The following NAA25 variants were observed in gnomAD, a reference collection of about 807,000 sequenced individuals.
NAA25 encodes the protein N-alpha-acetyltransferase 25, NatB auxiliary subunit.
In NAA25, 30 loss-of-function variants were observed where a neutral mutation model predicts 132.5. That is an observed-to-expected ratio of 0.23 (90% CI 0.17 to 0.31). The LOEUF (loss-of-function observed/expected upper bound fraction) is 0.31. Among genes scored for constraint, NAA25 ranks in the 10% least tolerant of loss-of-function variants. The pLI is 1.00. For synonymous variants in NAA25, 359 were observed against 401.9 expected (o/e 0.89, Z 1.28); for missense variants, 771 against 1,150.4 (o/e 0.67, Z 4.77).
intron 1 of NAA25, among the ~76,000 whole-genome samples, chr12:112,107,504 T>C (rs974221254): frequency 4.0e-5 from 6 of 151,736 alleles, no homozygotes; most frequent in African/African-American, 1.5e-4. Flanking sequence ...CCAGTGACTG[T>C]CATAATGAGT....
chr12:112,040,720 T>A (rs1358088226), intron 20 of NAA25, 142 bp from the exon 21 acceptor site: 6 of 581,210 alleles, frequency 1.0e-5, no homozygotes, highest in Non-Finnish European at 1.5e-5. Flanking sequence ...TGAACCAAAC[T>A]CCAAAGGATA....
chr12:112,063,507 C>T (rs980206287), intron 11 of NAA25, among the ~76,000 whole-genome samples: 1 of 152,134 alleles, frequency 6.6e-6, no homozygotes, highest in Non-Finnish European at 1.5e-5. Context: ...AGGCTCCCAC[C>T]CTATACTCCC....
intron 17 of NAA25, among the ~76,000 whole-genome samples, chr12:112,046,937 G>A (rs1249725202): frequency 6.6e-6 from 1 of 151,940 alleles, no homozygotes; most frequent in Non-Finnish European, 1.5e-5. Context: ...TCCAGATTTG[G>A]TATAATACTA....
intron 13 of NAA25, among the ~76,000 whole-genome samples, chr12:112,058,857 G>A (rs1356264995): frequency 6.6e-6 from 1 of 151,922 alleles, no homozygotes; most frequent in African/African-American, 2.4e-5. Flanking sequence ...AGGTAATCGA[G>A]ACCATCCTGG....
chr12:112,090,885 A>C, intron 2 of NAA25, 21 bp from the exon 3 acceptor site: 3 of 1,582,802 alleles, frequency 1.9e-6, no homozygotes, highest in Non-Finnish European at 2.6e-6. Context: ...CAAAAGAAAA[A>C]TCAGTTTTTA....
intron 11 of NAA25, among the ~76,000 whole-genome samples, chr12:112,061,796 C>G (rs1167276315): frequency 6.6e-6 from 1 of 152,042 alleles, no homozygotes; most frequent in Non-Finnish European, 1.5e-5. Flanking sequence ...TGTAATTATG[C>G]TGATAAATTC....
chr12:112,050,072 A>C (rs1302752025), intron 15 of NAA25, among the ~76,000 whole-genome samples: 1 of 151,248 alleles, frequency 6.6e-6, no homozygotes, highest in Non-Finnish European at 1.5e-5. Context: ...AAAAGGCAAT[A>C]GCTTTTCAAA....
At chr12:112,089,058 C>T (rs1282153655) in intron 3 of NAA25, among the ~76,000 whole-genome samples, 1 of 152,056 alleles carries the variant, frequency 6.6e-6, no homozygotes, top group African/African-American at 2.4e-5. Flanking sequence ...TCTGTAAATA[C>T]TCAGATATAA....
At chr12:112,066,694 G>A (rs2078723510) in intron 11 of NAA25, among the ~76,000 whole-genome samples, 1 of 152,146 alleles carries the variant, frequency 6.6e-6, no homozygotes, top group African/African-American at 2.4e-5. Context: ...CTTGGCCTGA[G>A]CCCTATAACC....
At chr12:112,104,114 A>C (rs751063216) in intron 1 of NAA25, among the ~76,000 whole-genome samples, 1 of 152,218 alleles carries the variant, frequency 6.6e-6, no homozygotes, top group Admixed American at 6.5e-5. Context: ...TCAGCAAAGA[A>C]GTGACTGTCA....
At chr12:112,092,682 CTTT>C (rs34190578) in intron 2 of NAA25, among the ~76,000 whole-genome samples, 4 of 145,142 alleles carry the variant, frequency 2.8e-5, no homozygotes, top group Admixed American at 6.9e-5. Flanking sequence ...TCTCCCCCCC[CTTT>C]TTTTTTTTTT....
intron 16 of NAA25, 119 bp downstream of exon 16, chr12:112,048,173 T>C: frequency 2.1e-6 from 2 of 938,284 alleles, no homozygotes; most frequent in Non-Finnish European, 3.1e-6. Flanking sequence ...CCACTGTCTC[T>C]CTCCCTTTTT....
chr12:112,048,991 G>T (rs77411100), intron 15 of NAA25, among the ~76,000 whole-genome samples: 1 of 151,608 alleles, frequency 6.6e-6, no homozygotes, highest in South Asian at 2.1e-4. Flanking sequence ...CAGGATAGAA[G>T]TAAGACACCA....
chr12:112,075,007 C>T (rs1040881940), intron 8 of NAA25, among the ~76,000 whole-genome samples: 4 of 151,938 alleles, frequency 2.6e-5, no homozygotes, highest in African/African-American at 9.7e-5. Context: ...GTCTAGAAAA[C>T]TAATATTCAT....
intron 23 of NAA25, among the ~76,000 whole-genome samples, chr12:112,029,970 T>C (rs2078127437): frequency 6.6e-6 from 1 of 152,152 alleles, no homozygotes; most frequent in Non-Finnish European, 1.5e-5. Context: ...TCCAACACTT[T>C]GGGATGCCCA....
At chr12:112,100,349 G>T (rs1279901651) in intron 1 of NAA25, among the ~76,000 whole-genome samples, 1 of 152,080 alleles carries the variant, frequency 6.6e-6, no homozygotes, top group Admixed American at 6.6e-5. Flanking sequence ...TTTTAGTAGA[G>T]ACAGGGTTTC....
intron 1 of NAA25, among the ~76,000 whole-genome samples, chr12:112,093,975 A>T (rs1018519149): frequency 2.8e-4 from 42 of 152,002 alleles, no homozygotes; most frequent in Admixed American, 2.1e-3. Context: ...ACGGTCAAGA[A>T]TACAAACTTA....
At position 112,078,682 on chromosome 12, in the gene NAA25, T is replaced by C; in HGVS notation, c.537A>G (p.Arg179=). The change falls in exon 6 of 24, where the codon AGA becomes AGG. Residue 179 remains arginine, a synonymous_variant. Transcript: ENST00000261745. The part of the protein sequence containing the change: ...SKTMFLPLAE[R]MVEKMVKEDK... ...CCTCTTTCACCATTTTTTCGACCAT[T>C]CTCTCAGCAAGGGGCAGAAACATTG... is the stretch of plus-strand genomic sequence containing the variant. 6.2e-7 allele frequency: 1 copy of C among 1,614,108 alleles called. No homozygotes were observed.
intron 15 of NAA25, among the ~76,000 whole-genome samples, chr12:112,051,932 T>C (rs2078472891): frequency 6.6e-6 from 1 of 152,218 alleles, no homozygotes; most frequent in Non-Finnish European, 1.5e-5. Flanking sequence ...TCATGAGTAA[T>C]ACAGTTCTTC....
Sources: allele counts gnomAD v4.1 joint callset (sites outside exome capture counted in the v4.1 genomes callset), GRCh38; gene constraint gnomAD v4.1.1; transcripts MANE v1.5; gene names NCBI Gene and HGNC (gene_info 2026-07-23, HGNC 2026-07-21).